CCP110: variants seen among roughly 807,000 people sequenced by gnomAD.
The protein encoded by CCP110 is centriolar coiled-coil protein of 110 kDa.
CCP110 carries 43 observed loss-of-function variants against 105.5 expected under a neutral mutation model. That is an observed-to-expected ratio of 0.41 (90% CI 0.32 to 0.53). CCP110 has a LOEUF of 0.53. CCP110 is among the 20% of genes least tolerant of loss of function. CCP110 has a pLI of 0.32. For synonymous variants in CCP110, 353 were observed against 392.1 expected (o/e 0.90, Z 1.18); for missense variants, 1,016 against 1,189.1 (o/e 0.85, Z 2.14).
chr16:19,545,654 CTTAGAA>C (rs149192250), intron 10 of CCP110, among the ~76,000 whole-genome samples, 157 bp from the exon 11 acceptor site: 7 of 152,142 alleles, frequency 4.6e-5, no homozygotes, highest in Non-Finnish European at 7.4e-5. Context: ...TTATTTAATT[CTTAGAA>C]TTAGACTGCT....
chr16:19,544,692 C>A (rs575726720), intron 8 of CCP110, 105 bp from the exon 9 acceptor site: 6 of 679,162 alleles, frequency 8.8e-6, no homozygotes, highest in Non-Finnish European at 1.6e-5. Context: ...CAGATACTGA[C>A]GAAAGACTGT....
At chr16:19,545,927 C>A (rs1597277908) in intron 11 of CCP110, 37 bp downstream of exon 11, 1 of 1,206,272 alleles carries the variant, frequency 8.3e-7, no homozygotes, top group Non-Finnish European at 1.2e-6. Flanking sequence ...AGTTATCAAA[C>A]CAATTAATTT....
At chr16:19,528,055 CTGTAGTGA>C (rs773700347) in intron 2 of CCP110, 33 bp downstream of exon 2, 10 of 1,568,348 alleles carry the variant, frequency 6.4e-6, no homozygotes, top group Non-Finnish European at 8.7e-6. Flanking sequence ...TAGTTTTTTT[CTGTAGTGA>C]ACAACTAAAA....
intron 4 of CCP110, among the ~76,000 whole-genome samples, chr16:19,540,287 A>G (rs555312882): frequency 6.6e-6 from 1 of 152,376 alleles, no homozygotes; most frequent in South Asian, 2.1e-4. Context: ...TACAAGCTAC[A>G]CTACCAGAGA....
At chr16:19,530,295 A>G (rs1969817423) in intron 2 of CCP110, among the ~76,000 whole-genome samples, 1 of 152,122 alleles carries the variant, frequency 6.6e-6, no homozygotes, top group Admixed American at 6.5e-5. Flanking sequence ...TTGTTTCCTA[A>G]TAGTGTTATT....
In CCP110 at chr16:19,537,108, T is replaced by C. The variant is rs1179880775; in HGVS notation, c.1439T>C (p.Val480Ala). 3 of 1,614,082 alleles carry C rather than the reference T, an allele frequency of 1.9e-6. No individual in the cohort carries two copies. In the East Asian group the frequency reaches 6.7e-5, roughly 36 times the overall value. ...AAAGTTACTCATGGACTTGTTACTG[T>C]GGAAGGTCAGTTAACATCCGATGAG... is the stretch of plus-strand genomic sequence containing the variant. The change falls in exon 4 of 15, where the codon GTG (valine) becomes GCG (alanine). Residue 480 changes from valine to alanine, a missense_variant. Val to Ala is a moderately conservative substitution (Grantham distance 64). Transcript: ENST00000381396.
chr16:19,540,843 A>G (rs555515562), intron 5 of CCP110, 56 bp downstream of exon 5: 585 of 1,566,466 alleles, frequency 3.7e-4, no homozygotes, highest in Non-Finnish European at 4.9e-4. Flanking sequence ...AAGGATACCT[A>G]TGAATTTTGG....
rs1465320150 is a variant in CCP110 at position 19,546,470 on chromosome 16, A to G, written c.2836A>G (p.Thr946Ala). ...TCTGGTTAAACAAAATCCTTCTGAA[A>G]CAAGGTGAGAAAAATCACTTAGTCT... The change falls in exon 12 of 15, where the codon ACA becomes GCA. Residue 946 changes from threonine (T) to alanine (A), a missense_variant. Physicochemically the swap from Thr to Ala is moderately conservative, Grantham distance 58. Transcript: ENST00000381396. 1.9e-6 allele frequency: 3 copies of G among 1,577,070 alleles called. No individual in the cohort carries two copies. Among genetic ancestry groups the G allele is most frequent in the Non-Finnish European group, 2.6e-6 (3 of 1,147,980 alleles).
intron 9 of CCP110, 95 bp downstream of exon 9, chr16:19,544,993 T>C (rs1019726962): frequency 2.0e-6 from 2 of 988,978 alleles, no homozygotes; most frequent in South Asian, 3.0e-5. Flanking sequence ...ATGAAAACTA[T>C]TTTAATCTTT....
At chr16:19,524,032 C>T (rs1045945488) in exon 1 of CCP110, 5 of 153,728 alleles carry the variant, frequency 3.3e-5, no homozygotes, top group African/African-American at 1.2e-4. Context: ...GAGCCATTCG[C>T]TTCCTGACAA....
intron 5 of CCP110, among the ~76,000 whole-genome samples, chr16:19,541,645 GAGA>G (rs1970283279): frequency 2.4e-5 from 2 of 82,828 alleles, no homozygotes; most frequent in East Asian, 7.1e-4. Flanking sequence ...GAAAGAGAGA[GAGA>G]GGAGAGAGAG....
At position 19,527,984 on chromosome 16, in the gene CCP110, C is replaced by T. The variant is rs149107701; in HGVS notation, c.103C>T (p.Leu35Phe). The change falls in exon 2 of 15, where the codon CTT becomes TTT. Residue 35 changes from leucine (L) to phenylalanine (F), a missense_variant. By Grantham distance (22) the Leu-to-Phe change is conservative. Coordinates refer to ENST00000381396, the Ensembl canonical transcript of CCP110. The stretch of plus-strand genomic sequence containing the variant: ...CCCTGCTCAGTCTGAAAGTATCTCA[C>T]TTATTCGCTTTCATGGAGTGGCTAT... The T allele has an allele frequency of 7.1e-5, 115 of 1,613,246 alleles. No individual in the cohort carries two copies. In the Middle Eastern group the frequency reaches 1.5e-3, roughly 21 times the overall value.
exon 6 of CCP110, chr16:19,541,929 A>G (rs1466673046): frequency 6.2e-7 from 1 of 1,602,164 alleles, no homozygotes; most frequent in Admixed American, 1.8e-5. Context: ...GAAGAAGGCA[A>G]TGACAGCGGA....
intron 2 of CCP110, among the ~76,000 whole-genome samples, chr16:19,528,600 G>A (rs1190550044): frequency 6.6e-6 from 1 of 152,094 alleles, no homozygotes; most frequent in South Asian, 2.1e-4. Flanking sequence ...CATGATTAGA[G>A]GTCCAGACTC....
At position 19,535,825 on chromosome 16, in the gene CCP110, T is replaced by C. The variant is rs1970031892; in HGVS notation, c.271-115T>C. ...AACCTGTCATCTTAGTTTTTCTTTA[T>C]GTTTTGAAATGTCAGAATTCTGAAT... On this transcript the variant is annotated intron_variant, in intron 3 of 14. Transcript: ENST00000381396. 5.5e-6 allele frequency: 4 copies of C among 731,400 alleles called. No individual in the cohort carries two copies. The Admixed American group carries it at 1.0e-4, about 19-fold the overall frequency. The allele number at this position is 731,400 out of a possible 1,614,324, so 45.3% of individuals were successfully genotyped here.
exon 4 of CCP110, chr16:19,536,066 C>T (rs368558634): frequency 4.5e-5 from 72 of 1,613,928 alleles, no homozygotes; most frequent in Non-Finnish European, 5.8e-5. Flanking sequence ...CCATACGGAA[C>T]ACTCTACTGC....
exon 8 of CCP110, chr16:19,542,955 G>T (rs1477375024): frequency 6.2e-7 from 1 of 1,611,404 alleles, no homozygotes; most frequent in South Asian, 1.1e-5. Flanking sequence ...GTAGACTTAT[G>T]CAGACAGATA....
At chr16:19,540,881 C>T in intron 5 of CCP110, 94 bp downstream of exon 5, 2 of 1,062,258 alleles carry the variant, frequency 1.9e-6, no homozygotes, top group South Asian at 1.7e-5. Context: ...GTAATTTTTG[C>T]CTCCATATAT....
exon 4 of CCP110, chr16:19,537,317 C>A (rs202054670): frequency 6.2e-7 from 1 of 1,614,118 alleles, no homozygotes; most frequent in Non-Finnish European, 8.5e-7. Flanking sequence ...TGTAAAAAAC[C>A]CTTCTCCTTT....
Sources: allele counts gnomAD v4.1 joint callset (sites outside exome capture counted in the v4.1 genomes callset), GRCh38; gene constraint gnomAD v4.1.1; transcripts MANE v1.5; gene names NCBI Gene and HGNC (gene_info 2026-07-23, HGNC 2026-07-21).